Variants in KIDINS220 observed in about 807,000 individuals in gnomAD.
KIDINS220 encodes kinase D-interacting substrate of 220 kDa.
A neutral mutation model predicts 157.6 loss-of-function variants in KIDINS220; 63 were observed. The observed-to-expected ratio is 0.40, with a 90% CI of 0.33 to 0.49. The LOEUF (loss-of-function observed/expected upper bound fraction) is 0.49. Ranked by LOEUF, KIDINS220 falls within the 20% of genes least tolerant of loss-of-function variation. The pLI is 0.66. For missense variants in KIDINS220, 1,772 were observed against 2,171.2 expected, an observed-to-expected ratio of 0.82 and a Z score of 3.65; for synonymous variants, 732 against 783.6, an observed-to-expected ratio of 0.93 and a Z score of 1.10.
chr2:8,789,169 GATTAT>G (rs566113948), intron 14 of KIDINS220, among the ~76,000 whole-genome samples: 3 of 97,198 alleles, frequency 3.1e-5, no homozygotes, highest in African/African-American at 4.5e-5. Context: ...CAAGAATAGG[GATTAT>G]ATTATATTTT....
rs767469386 is a variant in KIDINS220, at chr2:8,827,149, A to G, written c.-36-20T>C. The G allele has an allele frequency of 1.1e-6, 1 of 886,690 alleles. No individual in the cohort carries two copies. Among genetic ancestry groups the G allele is most frequent in the South Asian group, 1.6e-5 (1 of 61,274 alleles). 54.9% of individuals were successfully genotyped at this position (886,690 alleles called of 1,614,324 possible). A position where few individuals can be genotyped will look rare whatever the true frequency, so the allele number is the denominator to read the frequency against. ...GAATACCTGTTAAATTAGACAAAATACACATAATTTATAATTAGAAAAAAT... is the reference window on the plus strand; with the variant it reads ...GAATACCTGTTAAATTAGACAAAATGCACATAATTTATAATTAGAAAAAAT... On this transcript the variant is annotated intron_variant, in intron 1 of 29. Transcript: ENST00000256707.
chr2:8,779,857 C>G, intron 17 of KIDINS220, 43 bp from the exon 18 acceptor site: 1 of 1,597,218 alleles, frequency 6.3e-7, no homozygotes, highest in South Asian at 1.1e-5. Context: ...AAGGAAGATC[C>G]AAGAAGCTTA....
intron 22 of KIDINS220, among the ~76,000 whole-genome samples, chr2:8,762,853 T>C (rs1463412315): frequency 6.6e-6 from 1 of 152,232 alleles, no homozygotes; most frequent in Non-Finnish European, 1.5e-5. Context: ...CAAACAGATG[T>C]ACCAGATGTT....
rs764310164 is a variant in KIDINS220 at position 8,790,079 on chromosome 2, G to A, written c.1442-20C>T. On this transcript the variant is annotated intron_variant, in intron 13 of 29. Transcript: ENST00000256707. Reference sequence around the variant, plus strand: ...TTTCGTCTGAAAGAGAATTTAATACGAAACCTTATTCCTGTTTTGTTTAAG... The same window carrying A: ...TTTCGTCTGAAAGAGAATTTAATACAAAACCTTATTCCTGTTTTGTTTAAG... 16 of 1,573,300 alleles carry A rather than the reference G, an allele frequency of 1.0e-5. No homozygotes were observed. The highest frequency in any genetic ancestry group is 4.1e-5 in the African/African-American group (3 of 72,336).
At chr2:8,728,343 AAAC>A (rs1157285525), downstream of KIDINS220, among the ~76,000 whole-genome samples, 3 of 152,148 alleles carry the variant, frequency 2.0e-5, no homozygotes, top group East Asian at 5.8e-4. Flanking sequence ...ACAAACAAAC[AAAC>A]AAACAAAACC....
chr2:8,817,477 G>C (rs542459154), intron 4 of KIDINS220, 141 bp downstream of exon 4: 2 of 464,408 alleles, frequency 4.3e-6, no homozygotes, highest in African/African-American at 4.0e-5. Flanking sequence ...AAACATTCTT[G>C]AGGGTCATTT....
chr2:8,825,407 C>T (rs1000934324), intron 2 of KIDINS220, among the ~76,000 whole-genome samples: 4 of 113,362 alleles, frequency 3.5e-5, no homozygotes, highest in East Asian at 2.7e-4. Flanking sequence ...GAATCTATTG[C>T]CCAACAATGG....
chr2:8,785,694 C>A, intron 17 of KIDINS220, 47 bp downstream of exon 17: 1 of 1,507,726 alleles, frequency 6.6e-7, no homozygotes, highest in Non-Finnish European at 9.0e-7. Context: ...ATGGCAGTGG[C>A]AACATATTCG....
chr2:8,817,945 T>C (rs571575941), intron 3 of KIDINS220, among the ~76,000 whole-genome samples: 1 of 152,318 alleles, frequency 6.6e-6, no homozygotes, highest in East Asian at 1.9e-4. Flanking sequence ...TTGTTCAGTC[T>C]ACTCACTGAA....
At position 8,730,477 on chromosome 2, in the gene KIDINS220, A is replaced by G; in HGVS notation, c.*243T>C. On this transcript the variant is annotated 3_prime_UTR_variant, in exon 30 of 30. Transcript: ENST00000256707. ...GTTTTATGGGGTAATGCGCCAATGAAAGGTACAGTAGTATTAGTGAGTTCT... is the reference window on the plus strand; with the variant it reads ...GTTTTATGGGGTAATGCGCCAATGAGAGGTACAGTAGTATTAGTGAGTTCT... 1.5e-6 allele frequency: 2 copies of G among 1,315,992 alleles called. No homozygotes were observed. Among genetic ancestry groups the G allele is most frequent in the Non-Finnish European group, 1.9e-6 (2 of 1,038,668 alleles). 81.5% of individuals were successfully genotyped at this position (1,315,992 alleles called of 1,614,324 possible).
intron 12 of KIDINS220, among the ~76,000 whole-genome samples, chr2:8,793,217 T>C (rs1368864744): frequency 6.6e-6 from 1 of 151,928 alleles, no homozygotes; most frequent in Admixed American, 6.6e-5. Flanking sequence ...CATAAAAAAA[T>C]AGAATCATGG....
In KIDINS220 at chr2:8,786,044, A is replaced by G; in HGVS notation, c.1940-14T>C. The stretch of plus-strand genomic sequence containing the variant: ...ATTTCTTTTTACCTGTAATGCAACA[A>G]ATGGTTTTAATAATTAACATATCAA... On this transcript the variant is annotated splice_polypyrimidine_tract_variant and intron_variant, in intron 16 of 29. Coordinates refer to ENST00000256707, the MANE Select transcript of KIDINS220 (RefSeq NM_020738.4). 1 of 1,589,478 alleles carries G rather than the reference A, an allele frequency of 6.3e-7. No homozygotes were observed. The highest frequency in any genetic ancestry group is 8.6e-7 in the Non-Finnish European group (1 of 1,169,350).
At chr2:8,791,302 T>C (rs951009841) in intron 12 of KIDINS220, 78 bp from the exon 13 acceptor site, 2 of 1,304,676 alleles carry the variant, frequency 1.5e-6, no homozygotes, top group African/African-American at 1.5e-5. Flanking sequence ...CATTGTTTCC[T>C]TGATTAGAGA....
chr2:8,771,266 G>A (rs946525915), intron 21 of KIDINS220, among the ~76,000 whole-genome samples: 6 of 152,298 alleles, frequency 3.9e-5, no homozygotes, highest in Middle Eastern at 3.4e-3. Context: ...GTCCATTCTC[G>A]TTGTAGTATA....
chr2:8,826,879 A>T, intron 2 of KIDINS220, 107 bp downstream of exon 2: 1 of 565,878 alleles, frequency 1.8e-6, no homozygotes, highest in Non-Finnish European at 3.2e-6. Flanking sequence ...ACAGTGCAGT[A>T]TTACTAAGGG....
chr2:8,835,389 T>C (rs780332852), intron 1 of KIDINS220, among the ~76,000 whole-genome samples: 6 of 152,024 alleles, frequency 3.9e-5, no homozygotes, highest in African/African-American at 7.3e-5. Flanking sequence ...CATGAAACTG[T>C]TGAAAAAGAT....
chr2:8,770,637 T>C, intron 22 of KIDINS220, 33 bp downstream of exon 22: 2 of 1,236,946 alleles, frequency 1.6e-6, no homozygotes, highest in African/African-American at 1.6e-5. Context: ...CAACCTAAAA[T>C]AAAGTAAAAT....
At chr2:8,787,893 ACAGCT>A (rs997787063) in intron 15 of KIDINS220, among the ~76,000 whole-genome samples, 1 of 152,130 alleles carries the variant, frequency 6.6e-6, no homozygotes, top group African/African-American at 2.4e-5. Flanking sequence ...TGAGAAAAGC[ACAGCT>A]CAGAGAGGGG....
At chr2:8,751,256 CTTTTTT>C (rs74858222) in intron 23 of KIDINS220, among the ~76,000 whole-genome samples, 14 of 135,718 alleles carry the variant, frequency 1.0e-4, no homozygotes, top group Non-Finnish European at 6.5e-5. Context: ...ACAGGATTTT[CTTTTTT>C]TTTTTTTTTG....
Sources: allele counts gnomAD v4.1 joint callset (sites outside exome capture counted in the v4.1 genomes callset), GRCh38; gene constraint gnomAD v4.1.1; transcripts MANE v1.5; gene names NCBI Gene and HGNC (gene_info 2026-07-23, HGNC 2026-07-21).